The following RUVBL1 variants were observed in gnomAD, a reference collection of about 807,000 sequenced individuals.
The protein encoded by RUVBL1 is ruvB-like 1.
In RUVBL1, 4 loss-of-function variants were observed where a neutral mutation model predicts 52.4. The ratio of observed to expected loss-of-function variants is 0.08; its 90% CI spans 0.04 to 0.17. The LOEUF (loss-of-function observed/expected upper bound fraction) is 0.17, where lower values mean the gene tolerates loss of function less well. Ranked by LOEUF, RUVBL1 falls within the 10% of genes least tolerant of loss-of-function variation. The pLI is 1.00. For missense variants in RUVBL1, 298 were observed against 572.8 expected (o/e 0.52, Z 4.90); for synonymous variants, 217 against 214.4 (o/e 1.01, Z -0.10).
At chr3:128,071,685 T>G (rs1234738689) in intron 9 of RUVBL1, 1 of 152,696 alleles carries the variant, frequency 6.5e-6, no homozygotes, top group Admixed American at 6.5e-5. Flanking sequence ...TACAAGGTAC[T>G]TGATCATGTT....
At chr3:128,120,713 C>T (rs1576476041) in intron 1 of RUVBL1, among the ~76,000 whole-genome samples, 1 of 152,140 alleles carries the variant, frequency 6.6e-6, no homozygotes, top group African/African-American at 2.4e-5. Context: ...CTGTGAAGTA[C>T]CTTGGTCCCA....
intron 8 of RUVBL1, among the ~76,000 whole-genome samples, chr3:128,090,210 A>G (rs576797326): frequency 7.0e-4 from 107 of 152,268 alleles, no homozygotes; most frequent in Non-Finnish European, 1.3e-3. Flanking sequence ...AAAATGCTAC[A>G]TTAATGAATT....
Position 128,081,428 on chromosome 3 carries a change from A to G in RUVBL1, c.1212-19T>C, listed in dbSNP as rs749767641. The G allele has an allele frequency of 3.8e-5, 61 of 1,600,700 alleles. No homozygotes were observed. Among genetic ancestry groups the G allele is most frequent in the Non-Finnish European group, 5.1e-5 (60 of 1,169,926 alleles). ...TGAGTACCTAGAGTGGACAGGGGCC[A>G]GGGCTGGAGTGAAACTGGGGCCACC... On this transcript the variant is annotated intron_variant, in intron 10 of 10. Transcript: ENST00000322623. The surrounding 1 kb of genome is among the most constrained non-coding windows in gnomAD (Gnocchi z 4.8).
intron 1 of RUVBL1, among the ~76,000 whole-genome samples, chr3:128,152,904 G>GCCCGCC (rs1944255515): frequency 1.6e-4 from 1 of 6,240 alleles, no homozygotes; most frequent in Non-Finnish European, 2.7e-4. Flanking sequence ...ACGTCCCCCC[G>GCCCGCC]CCCTCCCCCG....
exon 1 of RUVBL1, chr3:128,153,590 G>A (rs976948332): frequency 1.9e-6 from 3 of 1,580,462 alleles, no homozygotes; most frequent in Non-Finnish European, 2.6e-6. Context: ...CGGGCGCTAA[G>A]CACCACAGCC....
At chr3:128,115,035 G>A (rs1036030496) in intron 2 of RUVBL1, among the ~76,000 whole-genome samples, 4 of 151,920 alleles carry the variant, frequency 2.6e-5, no homozygotes, top group South Asian at 4.2e-4. Flanking sequence ...TGTGTGTCTC[G>A]TTTCCTCCAT....
At chr3:128,098,839 C>G in intron 7 of RUVBL1, 43 bp downstream of exon 7, 1 of 1,573,624 alleles carries the variant, frequency 6.4e-7, no homozygotes, top group Non-Finnish European at 8.7e-7. Flanking sequence ...ATGTGGGGCC[C>G]TCCGCCCTGC....
intron 5 of RUVBL1, among the ~76,000 whole-genome samples, 190 bp downstream of exon 5, chr3:128,101,369 A>G (rs1943104347): frequency 6.6e-6 from 1 of 152,216 alleles, no homozygotes; most frequent in Non-Finnish European, 1.5e-5. Flanking sequence ...AGGTTAAAGA[A>G]TGAAGATAAA....
chr3:128,097,144 A>G (rs1425670019), intron 8 of RUVBL1, among the ~76,000 whole-genome samples, 156 bp downstream of exon 8: 1 of 152,190 alleles, frequency 6.6e-6, no homozygotes, highest in Non-Finnish European at 1.5e-5. Context: ...TAGGGAAATG[A>G]GGCCAGAGGC....
At chr3:128,144,298 A>G (rs538678075) in intron 1 of RUVBL1, among the ~76,000 whole-genome samples, 16 of 152,336 alleles carry the variant, frequency 1.1e-4, no homozygotes, top group African/African-American at 3.6e-4. Flanking sequence ...CTCTGGGCAA[A>G]TTTATAATTA....
chr3:128,072,535 A>G (rs1942195160), intron 9 of RUVBL1, among the ~76,000 whole-genome samples: 1 of 152,178 alleles, frequency 6.6e-6, no homozygotes, highest in African/African-American at 2.4e-5. Context: ...ACACCTCAGC[A>G]CTGTGTTTTG....
downstream of RUVBL1, among the ~76,000 whole-genome samples, chr3:128,076,374 G>A (rs181343564): frequency 2.6e-4 from 39 of 152,312 alleles, no homozygotes; most frequent in African/African-American, 8.7e-4. This position sits in a 1 kb window ranked among gnomAD's most constrained non-coding sequence, Gnocchi z 6.8. Flanking sequence ...ACAGCTAAAG[G>A]AGCACAGGGG....
intron 8 of RUVBL1, 50 bp downstream of exon 8, chr3:128,097,250 G>T: frequency 6.5e-7 from 1 of 1,528,464 alleles, no homozygotes; most frequent in Non-Finnish European, 9.0e-7. Context: ...GAACAAATGA[G>T]CCCAGATGGA....
At chr3:128,146,812 TGCATGCATCTGTGTGTGTGC>T (rs752709197) in intron 1 of RUVBL1, among the ~76,000 whole-genome samples, 6 of 152,154 alleles carry the variant, frequency 3.9e-5, no homozygotes, top group Non-Finnish European at 5.9e-5. Context: ...TGTGTGTGTG[TGCATGCATCTGTGTGTGTGC>T]GCACTTGTGT....
chr3:128,115,704 C>T (rs1181028130), intron 2 of RUVBL1, among the ~76,000 whole-genome samples: 4 of 152,208 alleles, frequency 2.6e-5, no homozygotes, highest in African/African-American at 9.6e-5. Flanking sequence ...GAAAACCTCT[C>T]CTCTTACAAA....
intron 9 of RUVBL1, among the ~76,000 whole-genome samples, chr3:128,073,407 G>T (rs1942225164): frequency 6.6e-6 from 1 of 152,204 alleles, no homozygotes; most frequent in Admixed American, 6.5e-5. Flanking sequence ...GGAAGGCTGG[G>T]ATGAGCCTCC....
intron 7 of RUVBL1, 147 bp from the exon 8 acceptor site, chr3:128,097,645 A>G: frequency 1.4e-6 from 1 of 694,778 alleles, no homozygotes; most frequent in South Asian, 1.7e-5. Context: ...GTGTGTCCCC[A>G]CTCCAGGTTT....
At chr3:128,114,091 A>G (rs1292328671) in intron 2 of RUVBL1, among the ~76,000 whole-genome samples, 1 of 152,246 alleles carries the variant, frequency 6.6e-6, no homozygotes, top group Non-Finnish European at 1.5e-5. Flanking sequence ...TCACAGGTGT[A>G]CGGTCAAATG....
Position 128,065,141 on chromosome 3 carries a change from G to A in RUVBL1, c.*71C>T, listed in dbSNP as rs749754789. 16 of 1,232,038 alleles carry A rather than the reference G, an allele frequency of 1.3e-5. No individual in the cohort carries two copies. The South Asian group carries it at 1.9e-4, about 15-fold the overall frequency. 76.3% of individuals were successfully genotyped at this position (1,232,038 alleles called of 1,614,324 possible). A position where few individuals can be genotyped will look rare whatever the true frequency, so the allele number is the denominator to read the frequency against. ...CTGTGGGGTGCACTGTCATCATATTGTGTTGAAACGATGAGATGGTATTTG... is the reference window on the plus strand; with the variant it reads ...CTGTGGGGTGCACTGTCATCATATTATGTTGAAACGATGAGATGGTATTTG... On this transcript the variant is annotated 3_prime_UTR_variant, in exon 10 of 10. Transcript: ENST00000464873.
Sources: gnomAD v4.1 joint callset for allele counts (sites outside exome capture counted in the v4.1 genomes callset) on GRCh38, gnomAD v4.1.1 for gene constraint, Gnocchi (gnomAD v3.1) non-coding constraint, MANE v1.5 for transcripts, NCBI Gene and HGNC (gene_info 2026-07-23, HGNC 2026-07-21) for gene names.